Variants in SMPDL3A observed in about 807,000 individuals in gnomAD.
SMPDL3A encodes cyclic GMP-AMP phosphodiesterase SMPDL3A.
Under a neutral mutation model 38.5 loss-of-function variants are expected in SMPDL3A, and 39 were observed. The observed-to-expected ratio is 1.01, with a 90% CI of 0.78 to 1.32. SMPDL3A has a LOEUF of 1.32. SMPDL3A is among the 40% of genes most tolerant of loss of function. The pLI is 0.00. For missense variants in SMPDL3A, 502 were observed against 536.2 expected (o/e 0.94, Z 0.63); for synonymous variants, 180 against 194.3 (o/e 0.93, Z 0.61).
At chr6:122,808,412 G>T (rs987427769) in intron 7 of SMPDL3A, among the ~76,000 whole-genome samples, 1 of 152,130 alleles carries the variant, frequency 6.6e-6, no homozygotes, top group Admixed American at 6.5e-5. Flanking sequence ...GAGCTGGTAC[G>T]AGCTGCCTTC....
At chr6:122,800,112 G>T (rs1028755673) in intron 3 of SMPDL3A, among the ~76,000 whole-genome samples, 1 of 151,952 alleles carries the variant, frequency 6.6e-6, no homozygotes, top group Non-Finnish European at 1.5e-5. Flanking sequence ...GAGATTACAG[G>T]CATGAATCAC....
At chr6:122,805,734 TG>T (rs963297722) in intron 6 of SMPDL3A, among the ~76,000 whole-genome samples, 1 of 152,192 alleles carries the variant, frequency 6.6e-6, no homozygotes, top group Non-Finnish European at 1.5e-5. Context: ...GTGATTATCC[TG>T]CCTCAGCCTC....
At position 122,804,991 on chromosome 6, in the gene SMPDL3A, A is replaced by G. The variant is rs1320942201; in HGVS notation, c.821A>G (p.Lys274Arg). 1.2e-6 allele frequency: 2 copies of G among 1,613,446 alleles called. No homozygotes were observed. Among genetic ancestry groups the G allele is most frequent in the Admixed American group, 3.3e-5 (2 of 59,922 alleles). The stretch of plus-strand genomic sequence containing the variant: ...GCAATGAGAGAATACTATAATGAGA[A>G]ATTGATAGATATTTTTCAAAAATAC... ...ITAMREYYNE[K>R]LIDIFQKYSD... The change falls in exon 6 of 8, where the codon AAA becomes AGA. Residue 274 changes from lysine to arginine, a missense_variant. Coordinates refer to ENST00000368440, the MANE Select transcript of SMPDL3A (RefSeq NM_006714.5).
In SMPDL3A at chr6:122,808,126, ATAG is replaced by A. The variant is rs1319388478; in HGVS notation, c.1045-962_1045-960del. ...AATTTCTTAAAACACAACAACATAT[ATAG>A]TAAGACTCCATTTTTTTGAAAAAGC... On this transcript the variant is annotated intron_variant, in intron 7 of 7. Transcript: ENST00000368440. 4.6e-5 allele frequency among the ~76,000 whole-genome samples: 7 copies of A among 152,348 alleles called. No individual in the cohort carries two copies. The East Asian group carries it at 7.7e-4, about 17-fold the overall frequency.
At chr6:122,801,283 A>G (rs760374407) in intron 3 of SMPDL3A, 27 bp from the exon 4 acceptor site, 11 of 1,521,324 alleles carry the variant, frequency 7.2e-6, no homozygotes, top group African/African-American at 2.7e-5. Flanking sequence ...TTAAATTTCA[A>G]TGGTGGATTA....
intron 3 of SMPDL3A, 87 bp downstream of exon 3, chr6:122,797,055 G>A (rs751670986): frequency 3.7e-6 from 4 of 1,085,330 alleles, no homozygotes; most frequent in African/African-American, 1.6e-5. Flanking sequence ...TAGTGATAGG[G>A]CATGGGAATG....
Position 122,805,105 on chromosome 6 carries a change from G to T in SMPDL3A, c.919+16G>T, listed in dbSNP as rs1041434132. On this transcript the variant is annotated intron_variant, in intron 6 of 7. Coordinates refer to ENST00000368440, the MANE Select transcript of SMPDL3A (RefSeq NM_006714.5). ...GATAAAAAAGGTAATGTAATGCTGT[G>T]TTTGCATCTCCCCAGTCTAAGAGTC... 6.3e-7 allele frequency: 1 copy of T among 1,577,116 alleles called. No individual in the cohort carries two copies. The highest frequency in any genetic ancestry group is 8.6e-7 in the Non-Finnish European group (1 of 1,162,698).
At chr6:122,789,592 C>A in intron 1 of SMPDL3A, 134 bp downstream of exon 1, 2 of 866,054 alleles carry the variant, frequency 2.3e-6, no homozygotes, top group Non-Finnish European at 3.5e-6. Context: ...CCTGACGCGT[C>A]CGGCGTTGAC....
chr6:122,806,774 C>T (rs1781637010), intron 7 of SMPDL3A, among the ~76,000 whole-genome samples: 1 of 152,144 alleles, frequency 6.6e-6, no homozygotes, highest in African/African-American at 2.4e-5. Context: ...TCTATTTCTC[C>T]ATGAAATGGG....
intron 1 of SMPDL3A, 103 bp from the exon 2 acceptor site, chr6:122,795,574 A>G (rs1781217974): frequency 4.9e-6 from 4 of 815,156 alleles, no homozygotes; most frequent in Non-Finnish European, 7.9e-6. Flanking sequence ...GCTTTCCTCC[A>G]TCACAGGGAG....
At chr6:122,800,337 A>C (rs1781388178) in intron 3 of SMPDL3A, among the ~76,000 whole-genome samples, 1 of 152,238 alleles carries the variant, frequency 6.6e-6, no homozygotes, top group Admixed American at 6.5e-5. Flanking sequence ...AATCAAAAGC[A>C]TGTGGTTGTA....
intron 1 of SMPDL3A, 72 bp from the exon 2 acceptor site, chr6:122,795,605 A>T: frequency 8.7e-7 from 1 of 1,147,608 alleles, no homozygotes; most frequent in Non-Finnish European, 1.3e-6. Context: ...CTCTAGTCTT[A>T]ATATAAATAT....
At chr6:122,808,605 C>CCTTCCTTCCTTCCTTCCTTCCTT (rs1562357673) in intron 7 of SMPDL3A, among the ~76,000 whole-genome samples, 8 of 64,714 alleles carry the variant, frequency 1.2e-4, no homozygotes, top group Admixed American at 3.6e-4. Context: ...CTCCCTCCCT[C>CCTTCCTTCCTTCCTTCCTTCCTT]CCTCCCTTCC....
chr6:122,796,760 T>TGG, intron 2 of SMPDL3A, 64 bp from the exon 3 acceptor site: 1 of 1,415,768 alleles, frequency 7.1e-7, no homozygotes, highest in South Asian at 1.3e-5. Flanking sequence ...CAACGCATCA[T>TGG]GCATAAGTCT....
chr6:122,804,133 A>C (rs1304524776), intron 5 of SMPDL3A, among the ~76,000 whole-genome samples: 1 of 150,824 alleles, frequency 6.6e-6, no homozygotes, highest in Non-Finnish European at 1.5e-5. Flanking sequence ...GATTACAGGC[A>C]CCCACCACCA....
chr6:122,808,600 TCCCTC>T (rs1562357616), intron 7 of SMPDL3A, among the ~76,000 whole-genome samples: 5 of 49,404 alleles, frequency 1.0e-4, no homozygotes, highest in South Asian at 1.2e-3. Flanking sequence ...CCTTCCTCCC[TCCCTC>T]CCTCCCTTCC....
At chr6:122,789,828 G>C in intron 1 of SMPDL3A, 6 of 985,172 alleles carry the variant, frequency 6.1e-6, no homozygotes, top group Non-Finnish European at 7.2e-6. Flanking sequence ...AGGAAGCTGG[G>C]AGTCCGATGT....
chr6:122,791,579 A>G (rs1455013024), intron 1 of SMPDL3A, among the ~76,000 whole-genome samples: 1 of 152,238 alleles, frequency 6.6e-6, no homozygotes, highest in East Asian at 1.9e-4. Flanking sequence ...ATTCTTGAGA[A>G]GTTATAAAAT....
chr6:122,792,902 G>T (rs1781123377), intron 1 of SMPDL3A, among the ~76,000 whole-genome samples: 1 of 152,300 alleles, frequency 6.6e-6, no homozygotes, highest in East Asian at 1.9e-4. Flanking sequence ...TGTGAGGCAA[G>T]TGAGATTGGA....
Sources: gnomAD v4.1 joint callset for allele counts (sites outside exome capture counted in the v4.1 genomes callset) on GRCh38, gnomAD v4.1.1 for gene constraint, MANE v1.5 for transcripts, NCBI Gene and HGNC (gene_info 2026-07-23, HGNC 2026-07-21) for gene names.